Variants in LOC128125817 observed in about 807,000 individuals in gnomAD.
chr1:41,617,296 A>C, the LOC128125817 span, among the ~76,000 whole-genome samples: 2 of 152,234 alleles, frequency 1.3e-5, no homozygotes, highest in Non-Finnish European at 2.9e-5. Flanking sequence ...AACATGGATC[A>C]ATGTGTGTGT....
chr1:41,620,847 T>C, the LOC128125817 span, among the ~76,000 whole-genome samples: 1 of 152,208 alleles, frequency 6.6e-6, no homozygotes, highest in Non-Finnish European at 1.5e-5. Context: ...GGTTCAACAA[T>C]TACTGATCAA....
chr1:41,614,273 C>T, the LOC128125817 span, among the ~76,000 whole-genome samples: 7 of 152,206 alleles, frequency 4.6e-5, no homozygotes, highest in Admixed American at 2.0e-4. Flanking sequence ...GTGAGAGAGG[C>T]GTGTCAAGGG....
the LOC128125817 span, among the ~76,000 whole-genome samples, chr1:41,608,206 G>A: frequency 0.15 from 22,703 of 152,216 alleles, 2,433 homozygotes; most frequent in African/African-American, 0.3. Flanking sequence ...GTTCCCTGCA[G>A]GAGGGTGAAG....
the LOC128125817 span, among the ~76,000 whole-genome samples, chr1:41,604,213 A>T: frequency 6.6e-6 from 1 of 152,240 alleles, no homozygotes; most frequent in Non-Finnish European, 1.5e-5. Flanking sequence ...CCTCCAAAAA[A>T]CACAAAGAAG....
chr1:41,596,234 A>G, the LOC128125817 span, among the ~76,000 whole-genome samples: 1 of 152,166 alleles, frequency 6.6e-6, no homozygotes, highest in African/African-American at 2.4e-5. Flanking sequence ...CTGCCCTCTG[A>G]AAGCAGGTGG....
chr1:41,621,918 C>T, the LOC128125817 span, among the ~76,000 whole-genome samples: 9 of 152,224 alleles, frequency 5.9e-5, no homozygotes, highest in African/African-American at 2.2e-4. Flanking sequence ...AACTCAAATG[C>T]CTTCACCTTC....
the LOC128125817 span, chr1:41,628,816 T>C: frequency 2.4e-6 from 3 of 1,231,718 alleles, no homozygotes; most frequent in East Asian, 9.5e-5. Flanking sequence ...CCAGCATTCA[T>C]GTCCACTCCT....
the LOC128125817 span, chr1:41,628,710 G>C: frequency 8.2e-7 from 1 of 1,215,554 alleles, no homozygotes; most frequent in Admixed American, 4.2e-5. Flanking sequence ...CCAACATGGC[G>C]CCTGGCAAGC....
the LOC128125817 span, among the ~76,000 whole-genome samples, chr1:41,600,818 A>G: frequency 6.6e-6 from 1 of 152,152 alleles, no homozygotes; most frequent in South Asian, 2.1e-4. Flanking sequence ...GTTTTATGTC[A>G]TAAAGTTTTC....
the LOC128125817 span, among the ~76,000 whole-genome samples, chr1:41,615,978 C>G: frequency 6.6e-6 from 1 of 151,846 alleles, no homozygotes; most frequent in Non-Finnish European, 1.5e-5. Context: ...TGTGTTTTCT[C>G]TCTGCTAAGA....
the LOC128125817 span, among the ~76,000 whole-genome samples, chr1:41,626,776 C>A: frequency 6.6e-6 from 1 of 152,138 alleles, no homozygotes; most frequent in Non-Finnish European, 1.5e-5. Context: ...TGGGGCATTA[C>A]AGCATGATCG....
chr1:41,604,901 C>T, the LOC128125817 span, among the ~76,000 whole-genome samples: 1 of 151,720 alleles, frequency 6.6e-6, no homozygotes, highest in African/African-American at 2.4e-5. Context: ...CCCAGGAATT[C>T]GAGACCAGCT....
chr1:41,611,630 T>A, the LOC128125817 span, among the ~76,000 whole-genome samples: 1 of 152,164 alleles, frequency 6.6e-6, no homozygotes, highest in African/African-American at 2.4e-5. Context: ...CACTTCCCCA[T>A]TTCACCTCCA....
chr1:41,621,256 C>T, the LOC128125817 span, among the ~76,000 whole-genome samples: 7 of 152,232 alleles, frequency 4.6e-5, no homozygotes, highest in Admixed American at 4.6e-4. Flanking sequence ...CAGTATGGGA[C>T]AGAGCCCTGG....
chr1:41,620,227 C>G, the LOC128125817 span, among the ~76,000 whole-genome samples: 13 of 152,212 alleles, frequency 8.5e-5, no homozygotes, highest in African/African-American at 3.1e-4. Context: ...TTTCCACTCG[C>G]TTTCCCACAC....
At chr1:41,602,599 A>G in the LOC128125817 span, among the ~76,000 whole-genome samples, 4 of 151,930 alleles carry the variant, frequency 2.6e-5, no homozygotes, top group Admixed American at 2.0e-4. Flanking sequence ...TTTAATTTAT[A>G]ATTTTATTTA....
the LOC128125817 span, among the ~76,000 whole-genome samples, chr1:41,590,967 A>G: frequency 6.6e-6 from 1 of 152,184 alleles, no homozygotes; most frequent in Non-Finnish European, 1.5e-5. Context: ...TAGTCTCCCC[A>G]TCTGTAAAAA....
the LOC128125817 span, among the ~76,000 whole-genome samples, chr1:41,594,645 G>A: frequency 3.9e-5 from 6 of 152,118 alleles, no homozygotes; most frequent in Non-Finnish European, 8.8e-5. Context: ...TTTTGATATT[G>A]AAGCTATTGA....
chr1:41,601,711 T>C, the LOC128125817 span, among the ~76,000 whole-genome samples: 4 of 152,198 alleles, frequency 2.6e-5, no homozygotes, highest in Non-Finnish European at 4.4e-5. Flanking sequence ...TCCTTTCTGA[T>C]TTAAATGTCT....
Sources: allele counts gnomAD v4.1 joint callset (sites outside exome capture counted in the v4.1 genomes callset), GRCh38; gene constraint gnomAD v4.1.1; transcripts MANE v1.5.